The following IL9R variants were observed in gnomAD, a reference collection of about 807,000 sequenced individuals.
The protein encoded by IL9R is interleukin-9 receptor.
Under a neutral mutation model 56.3 loss-of-function variants are expected in IL9R, and 54 were observed. That is an observed-to-expected ratio of 0.96 (90% CI 0.77 to 1.20). The LOEUF is 1.20. IL9R is among the 50% of genes most tolerant of loss of function. The pLI is 0.00. For synonymous variants in IL9R, 212 were observed against 250.2 expected, an observed-to-expected ratio of 0.85 and a Z score of 1.44; for missense variants, 545 against 629.8, an observed-to-expected ratio of 0.87 and a Z score of 1.44.
At chrX:156,003,596 T>C (rs1387289992) in intron 3 of IL9R, 36 bp downstream of exon 3, 15 of 1,608,078 alleles carry the variant, frequency 9.3e-6, no homozygotes, top group Non-Finnish European at 1.3e-5. Flanking sequence ...TGGACAGGGA[T>C]GAGGGTGAGT....
intron 1 of IL9R, chrX:156,001,449 G>C: frequency 6.2e-7 from 1 of 1,611,352 alleles, no homozygotes; most frequent in South Asian, 1.1e-5. Flanking sequence ...CAGAGAACTT[G>C]CCACGGTGTT....
At chrX:155,998,327 G>T (rs1008476730) in intron 1 of IL9R, among the ~76,000 whole-genome samples, 2 of 151,794 alleles carry the variant, frequency 1.3e-5, no homozygotes, top group African/African-American at 4.8e-5. Flanking sequence ...CCAGAGGGAG[G>T]GTCAACCCAG....
chrX:156,007,044 G>C (rs2124537183), intron 7 of IL9R, among the ~76,000 whole-genome samples: 1 of 152,078 alleles, frequency 6.6e-6, no homozygotes, highest in African/African-American at 2.4e-5. Flanking sequence ...TGGGGAAATG[G>C]GGGACAGCCT....
chrX:156,005,993 G>A (rs2067907994), intron 6 of IL9R, 90 bp from the exon 7 acceptor site: 2 of 693,154 alleles, frequency 2.9e-6, no homozygotes, highest in Admixed American at 2.6e-5. Context: ...TTGGCCCAGG[G>A]CACTAAAGGG....
At chrX:156,009,082 TTTG>T (rs1569478734) in intron 8 of IL9R, among the ~76,000 whole-genome samples, 68 of 149,124 alleles carry the variant, frequency 4.6e-4, no homozygotes, top group African/African-American at 1.5e-3. Flanking sequence ...TCTGTGTGTG[TTTG>T]TGTGTGTGTG....
In IL9R at chrX:156,004,818, G is replaced by C. The variant is rs181726099; in HGVS notation, c.579+253G>C. 3.2e-3 allele frequency among the ~76,000 whole-genome samples: 492 copies of C among 152,076 alleles called. 2 individuals carry two copies. Among genetic ancestry groups the C allele is most frequent in the African/African-American group, 0.011 (467 of 41,468 alleles). On this transcript the variant is annotated intron_variant, in intron 5 of 8. Coordinates refer to ENST00000244174, the MANE Select transcript of IL9R (RefSeq NM_002186.3). ...GGTGAGTGTGCATGTATGTGTTTAT[G>C]TGTACACATATGTAACTGTGCACAC...
intron 1 of IL9R, among the ~76,000 whole-genome samples, chrX:155,999,394 G>C (rs1421970628): frequency 2.0e-5 from 3 of 152,230 alleles, no homozygotes; most frequent in Middle Eastern, 3.4e-3. Flanking sequence ...AAGTGTGTGG[G>C]AAATGCTTCT....
Position 156,003,480 on chromosome X carries a change from C to T in IL9R, c.174C>T (p.Thr58=), listed in dbSNP as rs768670933. The stretch of plus-strand genomic sequence containing the variant: ...GGTCTAGAACCTTCACCTGCCTCAC[C>T]AACAACATTCTCAGGATCGATTGCC... ...GPRSRTFTCL[T]NNILRIDCHW... is the part of the protein sequence containing the mutation. Residue 58 remains threonine (T), a synonymous_variant, in exon 3 of 9, where the codon ACC becomes ACT. Transcript: ENST00000244174. 1.2e-6 allele frequency: 2 copies of T among 1,612,040 alleles called. No individual in the cohort carries two copies. The highest frequency in any genetic ancestry group is 3.3e-5 in the Admixed American group (2 of 60,024).
At chrX:156,002,041 A>T (rs2067567799) in intron 1 of IL9R, among the ~76,000 whole-genome samples, 1 of 146,136 alleles carries the variant, frequency 6.8e-6, no homozygotes, top group African/African-American at 2.6e-5. Context: ...AGAGGACAAA[A>T]GGGAGAGAGA....
intron 5 of IL9R, among the ~76,000 whole-genome samples, chrX:156,004,819 T>C (rs1294520976): frequency 6.6e-6 from 1 of 151,994 alleles, no homozygotes; most frequent in Admixed American, 6.5e-5. Context: ...TGTGTTTATG[T>C]GTACACATAT....
intron 4 of IL9R, 81 bp downstream of exon 4, chrX:156,003,936 C>T: frequency 1.4e-6 from 2 of 1,442,624 alleles, no homozygotes; most frequent in African/African-American, 1.4e-5. Context: ...CAGGGCCTTG[C>T]AGCCTGTGAG....
chrX:156,006,001 G>T, intron 6 of IL9R, 82 bp from the exon 7 acceptor site: 1 of 692,260 alleles, frequency 1.4e-6, no homozygotes. Flanking sequence ...GGGCACTAAA[G>T]GGCGCACCTT....
intron 1 of IL9R, among the ~76,000 whole-genome samples, chrX:156,002,167 C>T (rs373278543): frequency 6.7e-6 from 1 of 149,814 alleles, no homozygotes; most frequent in South Asian, 2.1e-4. Context: ...CATGGTGAAA[C>T]CCCGTCTCTA....
intron 7 of IL9R, among the ~76,000 whole-genome samples, chrX:156,007,202 G>T (rs902737783): frequency 2.7e-3 from 35 of 12,772 alleles, no homozygotes; most frequent in Non-Finnish European, 1.5e-3. Context: ...TCTGCTGATG[G>T]CAAAGACAGG....
chrX:156,000,141 A>ATAT (rs1556393968), intron 1 of IL9R, among the ~76,000 whole-genome samples: 112 of 134,276 alleles, frequency 8.3e-4, no homozygotes, highest in African/African-American at 3.5e-3. Context: ...GTCTAAAAAA[A>ATAT]AAAAATATAT....
chrX:156,006,708 C>T (rs1000049770), intron 7 of IL9R, among the ~76,000 whole-genome samples: 8 of 151,912 alleles, frequency 5.3e-5, no homozygotes, highest in East Asian at 3.9e-4. Context: ...CATGTCAGGC[C>T]GCAGATGTGA....
At position 156,005,540 on chromosome X, in the gene IL9R, G is replaced by A. The variant is rs1197037343; in HGVS notation, c.781+61G>A. On this transcript the variant is annotated intron_variant, in intron 6 of 8. Coordinates refer to ENST00000244174, the MANE Select transcript of IL9R (RefSeq NM_002186.3). The stretch of plus-strand genomic sequence containing the variant: ...GTCTGGGCTGGGCGTCTTCTCCCCT[G>A]TTCACCTCAGCCCTGCACCCTTTCA... The A allele has an allele frequency of 2.8e-6, 4 of 1,407,810 alleles. No individual in the cohort carries two copies. The African/African-American group carries it at 4.2e-5, about 15-fold the overall frequency. The allele number at this position is 1,407,810 out of a possible 1,614,324, so 87.2% of individuals were successfully genotyped here.
chrX:156,000,134 TAA>T lies in IL9R; in HGVS notation c.28+2358_28+2359del, dbSNP rs566708471. ...CTGAGCGACAGAGCGAGACTCCGTC[TAA>T]AAAAAAAAAATATATATATATATAC... On this transcript the variant is annotated intron_variant, in intron 1 of 8. Coordinates refer to ENST00000244174, the MANE Select transcript of IL9R (RefSeq NM_002186.3). Among the ~76,000 whole-genome samples the T allele has an allele frequency of 6.4e-5, 9 of 141,308 alleles. No individual in the cohort carries two copies. The South Asian group carries it at 6.7e-4, about 11-fold the overall frequency. 92.7% of individuals were successfully genotyped at this position (141,308 alleles called of 152,430 possible).
chrX:156,005,511 C>T (rs751690325), intron 6 of IL9R, 32 bp downstream of exon 6: 23 of 1,585,710 alleles, frequency 1.5e-5, no homozygotes, highest in African/African-American at 8.1e-5. Flanking sequence ...GCACTTCCAG[C>T]GGAGTCTGGG....
Sources: allele counts gnomAD v4.1 joint callset (sites outside exome capture counted in the v4.1 genomes callset), GRCh38; gene constraint gnomAD v4.1.1; transcripts MANE v1.5; gene names NCBI Gene and HGNC (gene_info 2026-07-23, HGNC 2026-07-21).